ELP1: variants seen among roughly 807,000 people sequenced by gnomAD.
ELP1 encodes the protein elongator complex protein 1.
A neutral mutation model predicts 183.2 loss-of-function variants in ELP1; 131 were observed. That is an observed-to-expected ratio of 0.72 (90% CI 0.62 to 0.83). The LOEUF (loss-of-function observed/expected upper bound fraction) is 0.83, where lower values mean the gene tolerates loss of function less well. Ranked by LOEUF, ELP1 falls within the 40% of genes least tolerant of loss-of-function variation. The pLI is 0.00. For missense variants in ELP1, 1,550 were observed against 1,594.9 expected (o/e 0.97, Z 0.48); for synonymous variants, 555 against 569.0 (o/e 0.98, Z 0.35).
chr9:108,922,828 C>T lies in ELP1; in HGVS notation c.552+14G>A. ...GTTCCAGTCAAGGCTTTTTATCCAT[C>T]AAACCAAACTTACCATTTGCATCTG... On this transcript the variant is annotated intron_variant, in intron 6 of 36. Coordinates refer to ENST00000374647, the MANE Select transcript of ELP1 (RefSeq NM_003640.5). The T allele has an allele frequency of 6.2e-7, 1 of 1,607,612 alleles. No individual in the cohort carries two copies. The highest frequency in any genetic ancestry group is 8.5e-7 in the Non-Finnish European group (1 of 1,174,136).
At chr9:108,906,527 T>C (rs1016058879) in intron 13 of ELP1, 42 bp from the exon 14 acceptor site, 9 of 1,552,874 alleles carry the variant, frequency 5.8e-6, no homozygotes, top group African/African-American at 1.4e-5. Context: ...TGAATAAAAC[T>C]TAAAAACCAC....
At chr9:108,924,017 T>C (rs1236121962) in intron 5 of ELP1, among the ~76,000 whole-genome samples, 2 of 152,220 alleles carry the variant, frequency 1.3e-5, no homozygotes, top group East Asian at 1.9e-4. Context: ...AGTACCTCAA[T>C]TGCTGCTGCG....
chr9:108,927,357 C>G lies in ELP1; in HGVS notation c.385+15G>C, dbSNP rs780121627. ...TGTTTTAAAAAAGCCAGTGAGGCAC[C>G]AGTAACAAGCTTACCTGTGGCAAGA... On this transcript the variant is annotated intron_variant, in intron 4 of 36. Transcript: ENST00000374647. 1.3e-5 allele frequency: 21 copies of G among 1,599,502 alleles called. No individual in the cohort carries two copies. In the Admixed American group the frequency reaches 3.5e-4, roughly 27 times the overall value.
rs149721955 is a variant in ELP1, at chr9:108,874,856, T to C, written c.3931+39A>G. On this transcript the variant is annotated intron_variant, in intron 36 of 36. Coordinates refer to ENST00000374647, the MANE Select transcript of ELP1 (RefSeq NM_003640.5). ...AATACTTACAGAAAGATAGTCCTTC[T>C]GCTTAGTATTGTAATATTAAATGAG... The C allele has an allele frequency of 7.9e-4, 1,012 of 1,273,900 alleles. 11 individuals carry two copies. The African/African-American group carries it at 0.013, about 17-fold the overall frequency. 78.9% of individuals were successfully genotyped at this position (1,273,900 alleles called of 1,614,324 possible).
chr9:108,881,363 T>A (rs1827924025), intron 31 of ELP1, among the ~76,000 whole-genome samples: 2 of 152,344 alleles, frequency 1.3e-5, no homozygotes, highest in African/African-American at 4.8e-5. Context: ...AATAATAGGA[T>A]ATTATCTTAT....
At chr9:108,922,103 T>C (rs1400995307) in intron 6 of ELP1, among the ~76,000 whole-genome samples, 2 of 152,232 alleles carry the variant, frequency 1.3e-5, no homozygotes, top group African/African-American at 4.8e-5. Flanking sequence ...CTGGGGGTAC[T>C]TGGTAGTGTG....
At position 108,882,338 on chromosome 9, in the gene ELP1, G is replaced by T. The variant is rs1274112530; in HGVS notation, c.3223-151C>A. 5 of 667,296 alleles carry T rather than the reference G, an allele frequency of 7.5e-6. No individual in the cohort carries two copies. In the South Asian group the frequency reaches 7.7e-5, roughly 10 times the overall value. 41.3% of individuals were successfully genotyped at this position (667,296 alleles called of 1,614,324 possible). A position where few individuals can be genotyped will look rare whatever the true frequency, so the allele number is the denominator to read the frequency against. On this transcript the variant is annotated intron_variant, in intron 29 of 36. Coordinates refer to ENST00000374647, the MANE Select transcript of ELP1 (RefSeq NM_003640.5). ...ACATCATGCCTATCCTAGAGTTCAT[G>T]ACTCCATAAATATTGATACAAAAGA...
In ELP1 at chr9:108,916,266, G is replaced by A. The variant is rs1488895662; in HGVS notation, c.896C>T (p.Ser299Phe). The change falls in exon 10 of 37, where the codon TCT becomes TTT. Residue 299 changes from serine (S) to phenylalanine (F), a missense_variant. Ser to Phe is a radical substitution (Grantham distance 155). Transcript: ENST00000374647. ...GTCTTCCAGCCAGACTGCAAGCACA[G>A]AGGAATCTGCATTCCAGAGCAAGTC... is the stretch of plus-strand genomic sequence containing the variant. ...VNDLLWNADS[S>F]VLAVWLEDLQ... The A allele has an allele frequency of 1.2e-6, 2 of 1,614,012 alleles. No individual in the cohort carries two copies. Among genetic ancestry groups the A allele is most frequent in the Non-Finnish European group, 1.7e-6 (2 of 1,179,982 alleles).
intron 14 of ELP1, 43 bp from the exon 15 acceptor site, chr9:108,903,712 C>T: frequency 7.1e-7 from 1 of 1,404,752 alleles, no homozygotes; most frequent in Non-Finnish European, 1.0e-6. Flanking sequence ...GACCATTTTT[C>T]TCAAAAATAG....
chr9:108,885,086 A>AAAC, intron 29 of ELP1, among the ~76,000 whole-genome samples: 1 of 152,242 alleles, frequency 6.6e-6, no homozygotes, highest in East Asian at 1.9e-4. Context: ...TTCTTTAAAA[A>AAAC]AACAACAACA....
In ELP1 at chr9:108,880,039, C is replaced by A. The variant is rs149897637; in HGVS notation, c.3460+13G>T. On this transcript the variant is annotated intron_variant, in intron 32 of 36. Transcript: ENST00000374647. Reference sequence around the variant, plus strand: ...TGCCCCCGCACGTCGATGGCCTTCACGCAGATACTCACCCAGACCTGCCTG... The same window carrying A: ...TGCCCCCGCACGTCGATGGCCTTCAAGCAGATACTCACCCAGACCTGCCTG... 6 of 1,560,224 alleles carry A rather than the reference C, an allele frequency of 3.8e-6. No homozygotes were observed. The highest frequency in any genetic ancestry group is 4.5e-5 in the East Asian group (2 of 44,666).
chr9:108,927,873 G>A (rs1395430270), intron 3 of ELP1, among the ~76,000 whole-genome samples: 1 of 152,152 alleles, frequency 6.6e-6, no homozygotes, highest in African/African-American at 2.4e-5. Flanking sequence ...GTACAAGGAT[G>A]GTTACCAGAG....
At chr9:108,906,172 T>G in intron 14 of ELP1, 131 bp downstream of exon 14, 2 of 833,928 alleles carry the variant, frequency 2.4e-6, no homozygotes, top group Admixed American at 2.0e-5. Context: ...ACCTTCTTGT[T>G]AAGTGTGTCT....
Position 108,879,530 on chromosome 9 carries a change from G to C in ELP1, c.3488C>G (p.Ser1163Ter), listed in dbSNP as rs1459244306. 1 of 1,614,064 alleles carries C rather than the reference G, an allele frequency of 6.2e-7. No individual in the cohort carries two copies. Among genetic ancestry groups the C allele is most frequent in the Admixed American group, 1.7e-5 (1 of 60,024 alleles). Reference protein sequence around the residue: ...LDDEVPHGQESDLFSETSSVV... With the variant: ...LDDEVPHGQE Reference sequence around the variant, plus strand: ...ACTGCTAGTTTCAGAGAAGAGGTCTGACTCTTGCCCGTGGGGTACCTCATC... The same window carrying C: ...ACTGCTAGTTTCAGAGAAGAGGTCTCACTCTTGCCCGTGGGGTACCTCATC... The change falls in exon 33 of 37, where the codon TCA becomes TGA. Residue 1163 changes from serine (S) to a stop codon, truncating the protein, a stop_gained. Transcript: ENST00000374647. LOFTEE classifies it high-confidence loss of function.
intron 25 of ELP1, 25 bp downstream of exon 25, chr9:108,896,471 G>A (rs1488873750): frequency 6.2e-7 from 1 of 1,611,364 alleles, no homozygotes; most frequent in African/African-American, 1.3e-5. Flanking sequence ...GAACCAAATG[G>A]CATAAAAGTA....
intron 25 of ELP1, among the ~76,000 whole-genome samples, chr9:108,895,295 T>G (rs1247723066): frequency 6.6e-6 from 1 of 152,134 alleles, no homozygotes; most frequent in East Asian, 1.9e-4. Context: ...GTAGGCACTG[T>G]GTGCAACAGA....
intron 29 of ELP1, 31 bp downstream of exon 29, chr9:108,889,301 G>A (rs771861027): frequency 6.3e-7 from 1 of 1,585,524 alleles, no homozygotes; most frequent in Non-Finnish European, 8.7e-7. Flanking sequence ...CTTGCTGACT[G>A]GGGGGTTTAG....
Position 108,911,047 on chromosome 9 carries a change from A to G in ELP1, c.1323T>C (p.Val441=), listed in dbSNP as rs200925118. Residue 441 remains valine, a synonymous_variant, in exon 12 of 37, where the codon GTT becomes GTC. Transcript: ENST00000374647. Reference sequence around the variant, plus strand: ...CAGAAATCTGGTTACTGGCATCTAGAACAGCAAGGTCATTACTCTTTTGAG... The same window carrying G: ...CAGAAATCTGGTTACTGGCATCTAGGACAGCAAGGTCATTACTCTTTTGAG... The part of the protein sequence containing the change: ...AHPQKSNDLA[V]LDASNQISVY... The G allele has an allele frequency of 4.3e-6, 7 of 1,614,126 alleles. No homozygotes were observed. The Admixed American group carries it at 1.2e-4, about 27-fold the overall frequency.
intron 5 of ELP1, among the ~76,000 whole-genome samples, chr9:108,924,311 A>G (rs1829756370): frequency 6.6e-6 from 1 of 152,214 alleles, no homozygotes; most frequent in Non-Finnish European, 1.5e-5. Flanking sequence ...AGCTGAACAT[A>G]TTCATGACCT....
Sources: gnomAD v4.1 joint callset for allele counts (sites outside exome capture counted in the v4.1 genomes callset) on GRCh38, gnomAD v4.1.1 for gene constraint, MANE v1.5 for transcripts, NCBI Gene and HGNC (gene_info 2026-07-23, HGNC 2026-07-21) for gene names.